The following SCIN variants were observed in gnomAD, a reference collection of about 807,000 sequenced individuals.
SCIN encodes scinderin, also known as adseverin.
Under a neutral mutation model 91.8 loss-of-function variants are expected in SCIN, and 91 were observed. That is an observed-to-expected ratio of 0.99 (90% CI 0.84 to 1.18). The LOEUF (loss-of-function observed/expected upper bound fraction) is 1.18, where lower values mean the gene tolerates loss of function less well. Ranked by LOEUF, SCIN falls within the 50% of genes most tolerant of loss-of-function variation. The pLI is 0.00. For missense variants in SCIN, 1,087 were observed against 863.9 expected (o/e 1.26, Z -3.24); for synonymous variants, 367 against 312.6 (o/e 1.17, Z -1.84).
At chr7:12,634,731 A>T (rs1213234087) in intron 9 of SCIN, among the ~76,000 whole-genome samples, 1 of 152,120 alleles carries the variant, frequency 6.6e-6, no homozygotes, top group Non-Finnish European at 1.5e-5. Context: ...CTACAAGCTC[A>T]TCAAACAGCA....
At chr7:12,611,958 A>C (rs1583298591) in intron 4 of SCIN, among the ~76,000 whole-genome samples, 1 of 151,868 alleles carries the variant, frequency 6.6e-6, no homozygotes, top group Non-Finnish European at 1.5e-5. Context: ...AGGTTGCTTT[A>C]TGGGTTTGTA....
chr7:12,652,814 A>C lies in SCIN; in HGVS notation c.*99A>C. ...AAGCTTTTTGCTTATTTGTCTTTTG[A>C]AAATTAAGGCTGGGCGCGGTGGCTC... On this transcript the variant is annotated 3_prime_UTR_variant, in exon 16 of 16. Transcript: ENST00000297029. 6.7e-7 allele frequency: 1 copy of C among 1,494,548 alleles called. No homozygotes were observed. The highest frequency in any genetic ancestry group is 9.0e-7 in the Non-Finnish European group (1 of 1,111,718). 92.6% of individuals were successfully genotyped at this position (1,494,548 alleles called of 1,614,324 possible). A position where few individuals can be genotyped will look rare whatever the true frequency, so the allele number is the denominator to read the frequency against.
intron 3 of SCIN, among the ~76,000 whole-genome samples, chr7:12,586,784 G>T (rs1244882889): frequency 6.6e-6 from 1 of 152,174 alleles, no homozygotes; most frequent in African/African-American, 2.4e-5. Flanking sequence ...CACCAACGTG[G>T]ATGAATCTGG....
chr7:12,587,916 C>T (rs1023001278), intron 3 of SCIN, among the ~76,000 whole-genome samples: 3 of 152,172 alleles, frequency 2.0e-5, no homozygotes, highest in Admixed American at 6.5e-5. Context: ...AGACCCACAC[C>T]GTACTGCTTA....
chr7:12,650,611 A>G (rs1055536682), intron 14 of SCIN, among the ~76,000 whole-genome samples: 1 of 152,140 alleles, frequency 6.6e-6, no homozygotes, highest in African/African-American at 2.4e-5. Flanking sequence ...AGTGACCGAA[A>G]TTGCTCTGCC....
intron 9 of SCIN, among the ~76,000 whole-genome samples, chr7:12,630,420 T>C (rs968031245): frequency 8.3e-4 from 126 of 152,198 alleles, no homozygotes; most frequent in African/African-American, 2.9e-3. Flanking sequence ...TGACTGCATA[T>C]TGGAATAACC....
In SCIN at chr7:12,579,955, T is replaced by C. The variant is rs188363074; in HGVS notation, c.355-1105T>C. On this transcript the variant is annotated intron_variant, in intron 2 of 15. Coordinates refer to ENST00000297029, the MANE Select transcript of SCIN (RefSeq NM_001112706.3). Reference sequence around the variant, plus strand: ...AGATGAAAACTTGTATTTATTTAATTATATAATACTTAGTTTATTCAACCA... The same window carrying C: ...AGATGAAAACTTGTATTTATTTAATCATATAATACTTAGTTTATTCAACCA... Among the ~76,000 whole-genome samples, 4 of 152,298 alleles carry C rather than the reference T, an allele frequency of 2.6e-5. No homozygotes were observed. In the East Asian group the frequency reaches 7.7e-4, roughly 29 times the overall value.
chr7:12,635,916 C>T, intron 9 of SCIN, 129 bp from the exon 10 acceptor site: 1 of 687,028 alleles, frequency 1.5e-6, no homozygotes. Flanking sequence ...AGCTTAACAG[C>T]TTGTATCATG....
intron 3 of SCIN, chr7:12,588,821 GTGCGGGGGCGGGTGGGAA>G (rs1782649986): frequency 6.5e-5 from 2 of 30,878 alleles, no homozygotes; most frequent in African/African-American, 1.3e-4. Context: ...GGGGGGGGGG[GTGCGGGGGCGGGTGGGAA>G]GGGGGAGGGG....
At chr7:12,580,858 TA>T (rs779248473) in intron 2 of SCIN, among the ~76,000 whole-genome samples, 6 of 152,218 alleles carry the variant, frequency 3.9e-5, no homozygotes, top group Non-Finnish European at 8.8e-5. Context: ...ACAGAAAGAA[TA>T]AAGAGACCAA....
chr7:12,618,041 A>G (rs1171947209), intron 4 of SCIN, among the ~76,000 whole-genome samples: 2 of 152,032 alleles, frequency 1.3e-5, no homozygotes, highest in African/African-American at 4.8e-5. Flanking sequence ...CTATCCTCTA[A>G]TACGCTGATA....
intron 1 of SCIN, among the ~76,000 whole-genome samples, chr7:12,575,695 CAG>C (rs769037730): frequency 5.3e-5 from 8 of 152,136 alleles, no homozygotes; most frequent in Non-Finnish European, 8.8e-5. Context: ...CATAGTATAA[CAG>C]AACATAAAAG....
chr7:12,605,408 G>C, intron 4 of SCIN, among the ~76,000 whole-genome samples: 1 of 152,118 alleles, frequency 6.6e-6, no homozygotes, highest in Non-Finnish European at 1.5e-5. Flanking sequence ...ACAGTTGCAG[G>C]TTGAGTATCC....
rs1358816584 is a variant in SCIN at position 12,612,420 on chromosome 7, TG to T, written c.666+7758del. ...GGCTACACTGCATATAGAGAAGAGATGAACTATCAGAGATACAAGCAAGTAG... is the reference window on the plus strand; with the variant it reads ...GGCTACACTGCATATAGAGAAGAGATAACTATCAGAGATACAAGCAAGTAG... On this transcript the variant is annotated intron_variant, in intron 4 of 15. Coordinates refer to ENST00000297029, the MANE Select transcript of SCIN (RefSeq NM_001112706.3). 9.2e-5 allele frequency among the ~76,000 whole-genome samples: 14 copies of T among 152,306 alleles called. 1 individual carries two copies. The highest frequency in any genetic ancestry group is 9.2e-4 in the Admixed American group (14 of 15,294).
At chr7:12,640,066 C>T (rs928033836) in intron 10 of SCIN, among the ~76,000 whole-genome samples, 1 of 152,178 alleles carries the variant, frequency 6.6e-6, no homozygotes, top group African/African-American at 2.4e-5. Flanking sequence ...CTTACATCTT[C>T]ATACTTTTCA....
At chr7:12,627,662 G>A (rs1452047253) in intron 8 of SCIN, among the ~76,000 whole-genome samples, 1 of 152,216 alleles carries the variant, frequency 6.6e-6, no homozygotes, top group Admixed American at 6.5e-5. Flanking sequence ...GTTGGAGAGT[G>A]GGAAGTGCCA....
In SCIN at chr7:12,636,051, A is replaced by C; in HGVS notation, c.1326A>C (p.Gly442=). 6.2e-7 allele frequency: 1 copy of C among 1,612,022 alleles called. No individual in the cohort carries two copies. ...TTCACTTTCATTCCTCTAGGCAAGG[A>C]GCAAATGCCACACGAGATGAGCTGA... ...PRGQIIYTWQ[G]ANATRDELTT... is the part of the protein sequence containing the mutation. Residue 442 remains glycine, a synonymous_variant, in exon 10 of 16, where the codon GGA becomes GGC. Coordinates refer to ENST00000297029, the MANE Select transcript of SCIN (RefSeq NM_001112706.3).
In SCIN at chr7:12,578,909, G is replaced by GTTTTTT; in HGVS notation, c.354+701_354+706dup. 2.3e-4 allele frequency among the ~76,000 whole-genome samples: 20 copies of GTTTTTT among 85,900 alleles called. 2 individuals carry two copies. Among genetic ancestry groups the GTTTTTT allele is most frequent in the South Asian group, 8.9e-4 (2 of 2,240 alleles). The allele number at this position is 85,900 out of a possible 152,430, so 56.4% of individuals were successfully genotyped here. Reference sequence around the variant, plus strand: ...TAAGGCAGCCTTCAGTATAGGACAGGTTTTTTTTTTTTTTTGGCATCCTCC... The same window carrying GTTTTTT: ...TAAGGCAGCCTTCAGTATAGGACAGGTTTTTTTTTTTTTTTTTTTTTGGCATCCTCC... On this transcript the variant is annotated intron_variant, in intron 2 of 15. Transcript: ENST00000297029.
At chr7:12,588,374 A>C (rs1359540878) in intron 3 of SCIN, among the ~76,000 whole-genome samples, 1 of 152,242 alleles carries the variant, frequency 6.6e-6, no homozygotes, top group Non-Finnish European at 1.5e-5. Flanking sequence ...GAGGATGACA[A>C]GGTAAAATGT....
Sources: gnomAD v4.1 joint callset for allele counts (sites outside exome capture counted in the v4.1 genomes callset) on GRCh38, gnomAD v4.1.1 for gene constraint, MANE v1.5 for transcripts, NCBI Gene and HGNC (gene_info 2026-07-23, HGNC 2026-07-21) for gene names.